ACVR1B: variants seen among roughly 807,000 people sequenced by gnomAD.
ACVR1B encodes activin A receptor type 1B.
Under a neutral mutation model 55.6 loss-of-function variants are expected in ACVR1B, and 15 were observed. The ratio of observed to expected loss-of-function variants is 0.27; its 90% CI spans 0.18 to 0.42. ACVR1B has a LOEUF of 0.42. ACVR1B is among the 10% of genes least tolerant of loss of function. The probability of loss-of-function intolerance (pLI) is 1.00; values close to 1 mark genes in which losing one functional copy is unlikely to be tolerated. For synonymous variants in ACVR1B, 247 were observed against 254.6 expected (o/e 0.97, Z 0.28); for missense variants, 359 against 670.1 (o/e 0.54, Z 5.13).
At chr12:51,991,045 A>G (rs1320125806) in intron 7 of ACVR1B, among the ~76,000 whole-genome samples, 1 of 152,166 alleles carries the variant, frequency 6.6e-6, no homozygotes, top group Non-Finnish European at 1.5e-5. Context: ...TATTGTCCAA[A>G]ACTAAGCGAA....
At chr12:51,991,052 C>T (rs1942183278) in intron 7 of ACVR1B, among the ~76,000 whole-genome samples, 2 of 152,200 alleles carry the variant, frequency 1.3e-5, no homozygotes, top group Non-Finnish European at 2.9e-5. Flanking sequence ...CAAAACTAAG[C>T]GAATGATTAC....
chr12:51,951,855 C>T (rs2120384422), intron 1 of ACVR1B, 21 bp downstream of exon 1: 1 of 1,248,390 alleles, frequency 8.0e-7, no homozygotes, highest in Non-Finnish European at 1.0e-6. Context: ...GGACGGGGGG[C>T]GGGGGCCGGG....
chr12:51,985,147 T>C (rs1942052753), intron 5 of ACVR1B, 45 bp from the exon 6 acceptor site: 1 of 1,565,560 alleles, frequency 6.4e-7, no homozygotes, highest in Non-Finnish European at 8.7e-7. Context: ...GCTTTTAACA[T>C]TTATATCATC....
intron 1 of ACVR1B, among the ~76,000 whole-genome samples, chr12:51,967,374 C>T (rs570827060): frequency 5.0e-4 from 76 of 152,124 alleles, no homozygotes; most frequent in Middle Eastern, 3.4e-3. Context: ...GCCTGGCCAA[C>T]GTGGTGAAAC....
intron 1 of ACVR1B, among the ~76,000 whole-genome samples, chr12:51,972,866 C>G (rs890157149): frequency 2.6e-5 from 4 of 152,144 alleles, no homozygotes; most frequent in African/African-American, 9.7e-5. Flanking sequence ...TTAGCAGTTG[C>G]TTGGCTAATC....
chr12:51,958,193 A>T (rs117765963), intron 1 of ACVR1B, among the ~76,000 whole-genome samples: 98 of 152,370 alleles, frequency 6.4e-4, no homozygotes, highest in Non-Finnish European at 1.3e-3. Context: ...TCACTAAACC[A>T]GAATTTTAAT....
rs1941851221 is a variant in ACVR1B at position 51,976,254 on chromosome 12, T to C, written c.332-73T>C. ...AAGGGGTCTTTTTCACTCTTCACTT[T>C]GAGGGGGGTGTTTTTACTCTTTCCC... On this transcript the variant is annotated intron_variant, in intron 2 of 8. Transcript: ENST00000257963. The C allele has an allele frequency of 4.5e-6, 7 of 1,564,984 alleles. No homozygotes were observed. The South Asian group carries it at 5.6e-5, about 13-fold the overall frequency.
At chr12:51,980,145 G>A (rs137877510) in intron 3 of ACVR1B, among the ~76,000 whole-genome samples, 16 of 152,196 alleles carry the variant, frequency 1.1e-4, no homozygotes, top group East Asian at 7.7e-4. Context: ...TGATAACAGC[G>A]CCTTACCTTC....
chr12:51,964,244 G>A (rs1351255853), intron 1 of ACVR1B, among the ~76,000 whole-genome samples: 1 of 152,192 alleles, frequency 6.6e-6, no homozygotes, highest in Non-Finnish European at 1.5e-5. Context: ...GGGCTTAAGA[G>A]ATCTTCTTGC....
chr12:51,963,465 C>T lies in ACVR1B; in HGVS notation c.91+11631C>T, dbSNP rs77666056. Among the ~76,000 whole-genome samples, 512 of 152,236 alleles carry T rather than the reference C, an allele frequency of 3.4e-3. 1 individual carries two copies. Among genetic ancestry groups the T allele is most frequent in the African/African-American group, 0.012 (484 of 41,536 alleles). Reference sequence around the variant, plus strand: ...TTCACCGTGTTGGCCAGGCTGGTTTCGACTGTAAGTGATCCACCCACCTCG... The same window carrying T: ...TTCACCGTGTTGGCCAGGCTGGTTTTGACTGTAAGTGATCCACCCACCTCG... On this transcript the variant is annotated intron_variant, in intron 1 of 8. Coordinates refer to ENST00000257963, the MANE Select transcript of ACVR1B (RefSeq NM_004302.5).
chr12:51,972,301 G>A (rs756941146), intron 1 of ACVR1B, among the ~76,000 whole-genome samples: 9 of 152,142 alleles, frequency 5.9e-5, no homozygotes, highest in Non-Finnish European at 1.0e-4. Flanking sequence ...ATACAGTCAC[G>A]TGCCGTATAA....
chr12:51,971,095 G>T (rs1941739034), intron 1 of ACVR1B, among the ~76,000 whole-genome samples: 1 of 152,106 alleles, frequency 6.6e-6, no homozygotes. Context: ...AGAATTCTTA[G>T]CTGGGCCATG....
At chr12:51,953,332 T>A in intron 1 of ACVR1B, 1 of 985,436 alleles carries the variant, frequency 1.0e-6, no homozygotes, top group African/African-American at 1.7e-5. Flanking sequence ...GCTTTGATAT[T>A]TGTTCCCAGT....
chr12:51,982,684 A>G, intron 4 of ACVR1B: 4 of 1,520,950 alleles, frequency 2.6e-6, no homozygotes, highest in Non-Finnish European at 3.5e-6. Context: ...CTGAAACAAC[A>G]GCAGACTGCT....
intron 3 of ACVR1B, among the ~76,000 whole-genome samples, chr12:51,976,890 G>T (rs1941869820): frequency 6.6e-6 from 1 of 152,160 alleles, no homozygotes; most frequent in Non-Finnish European, 1.5e-5. Flanking sequence ...GCAGTGGAGT[G>T]CTCAATTTCA....
At chr12:51,973,883 C>T (rs912704357) in intron 1 of ACVR1B, among the ~76,000 whole-genome samples, 2 of 152,160 alleles carry the variant, frequency 1.3e-5, no homozygotes, top group African/African-American at 2.4e-5. Context: ...AGCAAGGAAT[C>T]GGCTCATTTA....
chr12:51,969,107 C>T (rs1941695995), intron 1 of ACVR1B, among the ~76,000 whole-genome samples: 1 of 152,158 alleles, frequency 6.6e-6, no homozygotes, highest in African/African-American at 2.4e-5. Flanking sequence ...GAGTCTTCCA[C>T]CTGAAGCCCC....
intron 3 of ACVR1B, among the ~76,000 whole-genome samples, chr12:51,978,626 T>A (rs984745549): frequency 4.6e-5 from 7 of 151,848 alleles, no homozygotes; most frequent in African/African-American, 1.7e-4. Context: ...TCAGAGGAGA[T>A]CCAGACCATC....
At position 51,976,494 on chromosome 12, in the gene ACVR1B, C is replaced by G; in HGVS notation, c.499C>G (p.Pro167Ala). The G allele has an allele frequency of 1.9e-6, 3 of 1,614,116 alleles. No individual in the cohort carries two copies. Among genetic ancestry groups the G allele is most frequent in the Middle Eastern group, 1.7e-4 (1 of 6,044 alleles). Residue 167 changes from proline to alanine, a missense_variant, in exon 3 of 9, where the codon CCC (proline) becomes GCC (alanine). By Grantham distance (27) the Pro-to-Ala change is conservative. This residue lies in a region of ACVR1B where 133 missense variants were observed against 188.2 expected (regional missense o/e 0.71). Transcript: ENST00000257963. ...HNRQRLDMED[P>A]SCEMCLSKDK... is the part of the protein sequence containing the mutation. ...CCGCCAGAGACTGGACATGGAAGAT[C>G]CCTCATGTGAGATGTGTCTCTCCAA...
Sources: allele counts gnomAD v4.1 joint callset (sites outside exome capture counted in the v4.1 genomes callset), GRCh38; gene constraint gnomAD v4.1.1; regional missense constraint gnomAD v4.1.1; transcripts MANE v1.5; gene names NCBI Gene and HGNC (gene_info 2026-07-23, HGNC 2026-07-21).